GPRC6A: variants seen among roughly 807,000 people sequenced by gnomAD.
GPRC6A encodes G protein-coupled receptor family C group 6 member A.
Under a neutral mutation model 47.0 loss-of-function variants are expected in GPRC6A, and 54 were observed. The observed-to-expected ratio is 1.15, with a 90% CI of 0.92 to 1.44. The LOEUF is 1.44. GPRC6A is among the 40% of genes most tolerant of loss of function. GPRC6A has a pLI of 0.00. For missense variants in GPRC6A, 1,112 were observed against 1,105.5 expected (o/e 1.01, Z -0.08); for synonymous variants, 347 against 377.1 (o/e 0.92, Z 0.93).
chr6:116,798,852 TA>T (rs1350747293), intron 4 of GPRC6A, among the ~76,000 whole-genome samples: 1 of 145,984 alleles, frequency 6.9e-6, no homozygotes, highest in Non-Finnish European at 1.5e-5. Flanking sequence ...CACTGCATAC[TA>T]GCCTGGATGA....
chr6:116,795,221 G>A (rs1417005323), intron 5 of GPRC6A, among the ~76,000 whole-genome samples: 1 of 152,142 alleles, frequency 6.6e-6, no homozygotes, highest in Admixed American at 6.6e-5. Flanking sequence ...TCTCACAGAA[G>A]TTTCTTTTAG....
Position 116,792,762 on chromosome 6 carries a change from G to A in GPRC6A, c.2161C>T (p.Leu721Phe). Residue 721 changes from leucine (L) to phenylalanine (F), a missense_variant, in exon 6 of 6, where the codon CTC becomes TTC. Physicochemically the swap from Leu to Phe is conservative, Grantham distance 22. Transcript: ENST00000310357. ...CTGIQVVICT[L>F]WLIFAAPTVE... ...GTAGGTGCTGCAAAGATTAGCCAGAGTGTGCAAATGACAACCTGGATGCCC... is the reference window on the plus strand; with the variant it reads ...GTAGGTGCTGCAAAGATTAGCCAGAATGTGCAAATGACAACCTGGATGCCC... 6.2e-7 allele frequency: 1 copy of A among 1,614,020 alleles called. No individual in the cohort carries two copies. Among genetic ancestry groups the A allele is most frequent in the South Asian group, 1.1e-5 (1 of 91,078 alleles).
At chr6:116,802,775 TGAC>T (rs1772716822) in intron 3 of GPRC6A, among the ~76,000 whole-genome samples, 2 of 152,124 alleles carry the variant, frequency 1.3e-5, no homozygotes, top group African/African-American at 4.8e-5. Flanking sequence ...CTCTAAACTC[TGAC>T]AAGTCTTGGT....
At chr6:116,815,763 A>T (rs897271938) in intron 1 of GPRC6A, among the ~76,000 whole-genome samples, 1 of 152,266 alleles carries the variant, frequency 6.6e-6, no homozygotes, top group African/African-American at 2.4e-5. Context: ...GCTTCTGAAT[A>T]ACCATTGGAT....
intron 2 of GPRC6A, among the ~76,000 whole-genome samples, chr6:116,808,407 A>G (rs1383487663): frequency 6.6e-6 from 1 of 152,172 alleles, no homozygotes; most frequent in Non-Finnish European, 1.5e-5. Context: ...TACATAGTCT[A>G]GAAATTTTAA....
rs1264658872 is a variant in GPRC6A at position 116,806,906 on chromosome 6, A to G, written c.799T>C (p.Leu267=). 4 of 1,613,648 alleles carry G rather than the reference A, an allele frequency of 2.5e-6. No homozygotes were observed. Among genetic ancestry groups the G allele is most frequent in the African/African-American group, 1.3e-5 (1 of 74,914 alleles). ...RINRTLKKII[L]EAQVNVIVVF... ...ACAATGACATTAACCTGGGCTTCTA[A>G]AATGATTTTCTTCAGTGTCCGATTG... Residue 267 remains leucine (L), a synonymous_variant, in exon 3 of 6, where the codon TTA becomes CTA. Coordinates refer to ENST00000310357, the MANE Select transcript of GPRC6A (RefSeq NM_148963.4).
chr6:116,797,726 A>G (rs1477888427), intron 4 of GPRC6A, among the ~76,000 whole-genome samples: 1 of 152,186 alleles, frequency 6.6e-6, no homozygotes, highest in Non-Finnish European at 1.5e-5. Flanking sequence ...AAAAATAATA[A>G]CCATCTCTGC....
chr6:116,805,866 C>G (rs1227210640), intron 3 of GPRC6A, among the ~76,000 whole-genome samples: 1 of 152,000 alleles, frequency 6.6e-6, no homozygotes, highest in African/African-American at 2.4e-5. Context: ...TACTCTACCT[C>G]CATCCTAACT....
chr6:116,820,660 C>G (rs1386280266), intron 1 of GPRC6A, among the ~76,000 whole-genome samples: 6 of 151,470 alleles, frequency 4.0e-5, no homozygotes, highest in African/African-American at 4.9e-5. Context: ...ATTCAACAAC[C>G]CTTCATGCTA....
At chr6:116,819,286 T>C (rs1773366392) in intron 1 of GPRC6A, among the ~76,000 whole-genome samples, 1 of 150,018 alleles carries the variant, frequency 6.7e-6, no homozygotes. Context: ...ACTGTCAACA[T>C]TAGACAGATC....
rs1000710964 is a variant in GPRC6A, at chr6:116,804,743, T to A, written c.1335+1627A>T. 3.3e-5 allele frequency among the ~76,000 whole-genome samples: 5 copies of A among 152,210 alleles called. No homozygotes were observed. The South Asian group carries it at 1.0e-3, about 32-fold the overall frequency. ...TTATCCTTGAAGTGTTTGAGACTTA[T>A]TCCTAATTTAAAATACTTTCTCTAT... On this transcript the variant is annotated intron_variant, in intron 3 of 5. Coordinates refer to ENST00000310357, the MANE Select transcript of GPRC6A (RefSeq NM_148963.4).
At chr6:116,826,705 T>C (rs1435140274) in intron 1 of GPRC6A, among the ~76,000 whole-genome samples, 1 of 151,874 alleles carries the variant, frequency 6.6e-6, no homozygotes, top group Non-Finnish European at 1.5e-5. Context: ...TGGGTATCTA[T>C]TCAAAGAAAA....
At chr6:116,828,181 G>C (rs1235530940) in intron 1 of GPRC6A, among the ~76,000 whole-genome samples, 1 of 152,038 alleles carries the variant, frequency 6.6e-6, no homozygotes, top group African/African-American at 2.4e-5. Context: ...AGAATATCCT[G>C]TTCTCCTTAA....
rs751684558 is a variant in GPRC6A at position 116,792,457 on chromosome 6, G to A, written c.2466C>T (p.Asn822=). ...AVEIIVILIS[N]YGILYCTFIP... is the part of the protein sequence containing the mutation. ...TGAATGTGCAATACAGGATTCCATA[G>A]TTAGATATTAATATGACAATAATCT... The change falls in exon 6 of 6, where the codon AAC becomes AAT. Residue 822 remains asparagine (N), a synonymous_variant. Transcript: ENST00000310357. 18 of 1,613,518 alleles carry A rather than the reference G, an allele frequency of 1.1e-5. No individual in the cohort carries two copies. The highest frequency in any genetic ancestry group is 1.4e-5 in the Non-Finnish European group (16 of 1,179,582).
intron 1 of GPRC6A, among the ~76,000 whole-genome samples, chr6:116,827,335 G>A (rs186430576): frequency 6.4e-4 from 97 of 151,822 alleles, no homozygotes; most frequent in Admixed American, 2.1e-3. Flanking sequence ...AAACTAATAC[G>A]TATCAATTAA....
At chr6:116,800,511 T>TG (rs1241134766) in intron 4 of GPRC6A, 73 bp downstream of exon 4, 1 of 907,602 alleles carries the variant, frequency 1.1e-6, no homozygotes, top group Non-Finnish European at 1.9e-6. Flanking sequence ...TGATGAAGAG[T>TG]GGGGGCCAAG....
intron 1 of GPRC6A, among the ~76,000 whole-genome samples, chr6:116,809,820 G>A (rs1014029863): frequency 6.6e-6 from 1 of 152,056 alleles, no homozygotes; most frequent in African/African-American, 2.4e-5. Context: ...CTTAAAAGGA[G>A]TCTATGCTAC....
In GPRC6A at chr6:116,809,379, C is replaced by T; in HGVS notation, c.433G>A (p.Gly145Ser). ...ATAGTTATTTCTGAGTACCCAGAAC[C>T]TATGACAGCCTTAACTCTTGGCATG... ...SYMPRVKAVI[G>S]SGYSEITMAV... Residue 145 changes from glycine (G) to serine (S), a missense_variant, in exon 2 of 6, where the codon GGT becomes AGT. Physicochemically the swap from Gly to Ser is moderately conservative, Grantham distance 56 (BLOSUM62 0). Coordinates refer to ENST00000310357, the MANE Select transcript of GPRC6A (RefSeq NM_148963.4). The T allele has an allele frequency of 1.2e-6, 2 of 1,613,538 alleles. No homozygotes were observed. The highest frequency in any genetic ancestry group is 1.7e-6 in the Non-Finnish European group (2 of 1,179,618).
At chr6:116,812,716 C>A (rs1328437620) in intron 1 of GPRC6A, among the ~76,000 whole-genome samples, 1 of 152,158 alleles carries the variant, frequency 6.6e-6, no homozygotes, top group Non-Finnish European at 1.5e-5. Context: ...GATGCCCTCT[C>A]TCACCACTCC....
Sources: gnomAD v4.1 joint callset for allele counts (sites outside exome capture counted in the v4.1 genomes callset) on GRCh38, gnomAD v4.1.1 for gene constraint, MANE v1.5 for transcripts, NCBI Gene and HGNC (gene_info 2026-07-23, HGNC 2026-07-21) for gene names.